GRAP2: variants seen among roughly 807,000 people sequenced by gnomAD.
GRAP2 encodes the protein GRB2-related adapter protein 2.
Under a neutral mutation model 43.5 loss-of-function variants are expected in GRAP2, and 31 were observed. The ratio of observed to expected loss-of-function variants is 0.71; its 90% CI spans 0.54 to 0.96. The LOEUF (loss-of-function observed/expected upper bound fraction) is 0.96. Among genes scored for constraint, GRAP2 ranks in the 40% least tolerant of loss-of-function variants. The pLI is 0.00. For synonymous variants in GRAP2, 156 were observed against 164.8 expected (o/e 0.95, Z 0.41); for missense variants, 371 against 424.4 (o/e 0.87, Z 1.11).
At chr22:39,964,296 C>A in intron 4 of GRAP2, 2 of 669,196 alleles carry the variant, frequency 3.0e-6, no homozygotes, top group Non-Finnish European at 5.4e-6. Context: ...ACTTGTGAGT[C>A]CAGACTGGCA....
At chr22:39,924,594 C>T (rs377055367) in intron 1 of GRAP2, among the ~76,000 whole-genome samples, 32 of 151,960 alleles carry the variant, frequency 2.1e-4, no homozygotes, top group Non-Finnish European at 1.3e-4. Flanking sequence ...CCTAGCTACT[C>T]GGGAGGCTGA....
At chr22:39,927,594 A>T (rs1312550834) in intron 1 of GRAP2, among the ~76,000 whole-genome samples, 1 of 152,212 alleles carries the variant, frequency 6.6e-6, no homozygotes, top group African/African-American at 2.4e-5. Flanking sequence ...GCATCGGGAG[A>T]GGTAAACAAA....
intron 2 of GRAP2, chr22:39,948,062 C>A (rs1168052593): frequency 6.6e-6 from 1 of 152,034 alleles, no homozygotes; most frequent in Non-Finnish European, 1.5e-5. Flanking sequence ...GGACGCCCAG[C>A]AACACTGAGG....
chr22:39,950,865 C>T (rs1201045971), intron 2 of GRAP2, among the ~76,000 whole-genome samples: 2 of 152,238 alleles, frequency 1.3e-5, no homozygotes, highest in Non-Finnish European at 2.9e-5. Flanking sequence ...CCACCTTCCT[C>T]AATGGGTAAC....
chr22:39,949,172 C>T (rs2066956084), intron 2 of GRAP2, among the ~76,000 whole-genome samples: 1 of 152,140 alleles, frequency 6.6e-6, no homozygotes, highest in Non-Finnish European at 1.5e-5. Flanking sequence ...CCCCCATTTC[C>T]ACCCAAGCCA....
chr22:39,926,706 GT>G (rs1204377663), intron 1 of GRAP2: 12 of 983,136 alleles, frequency 1.2e-5, no homozygotes, highest in South Asian at 4.7e-5. Context: ...CGGGGGATTG[GT>G]TTTTTTTCCA....
Position 39,965,309 on chromosome 22 carries a change from G to T in GRAP2, c.291-681G>T, listed in dbSNP as rs930048796. Among the ~76,000 whole-genome samples, 3 of 152,120 alleles carry T rather than the reference G, an allele frequency of 2.0e-5. No homozygotes were observed. The East Asian group carries it at 5.8e-4, about 29-fold the overall frequency. ...AATCGCTTGAACCTGGGAGGCGGAG[G>T]TTGCAGTGAGCAGAGATCACACCAC... On this transcript the variant is annotated intron_variant, in intron 4 of 7. Transcript: ENST00000344138.
chr22:39,970,368 A>C (rs1372360952), intron 7 of GRAP2, among the ~76,000 whole-genome samples: 1 of 152,182 alleles, frequency 6.6e-6, no homozygotes, highest in Non-Finnish European at 1.5e-5. Context: ...GGCATGAGCC[A>C]CCGTGCCTGG....
chr22:39,966,336 G>T (rs951292637), intron 5 of GRAP2, among the ~76,000 whole-genome samples, 178 bp downstream of exon 5: 2 of 152,310 alleles, frequency 1.3e-5, no homozygotes, highest in Admixed American at 1.3e-4. Flanking sequence ...ACTTTGGAAA[G>T]TTCTCTGCGC....
chr22:39,949,397 G>A (rs1470485028), intron 2 of GRAP2, among the ~76,000 whole-genome samples: 1 of 152,166 alleles, frequency 6.6e-6, no homozygotes, highest in Non-Finnish European at 1.5e-5. Context: ...CCATTTCATA[G>A]ATGAGAAACT....
Position 39,955,918 on chromosome 22 carries a change from T to C in GRAP2, c.170+8T>C. 7.7e-7 allele frequency: 1 copy of C among 1,306,824 alleles called. No individual in the cohort carries two copies. Among genetic ancestry groups the C allele is most frequent in the South Asian group, 1.2e-5 (1 of 84,904 alleles). The allele number at this position is 1,306,824 out of a possible 1,614,324, so 81.0% of individuals were successfully genotyped here. ...AGACATCCAGTTTCCCAAGTAAGTA[T>C]CTGCAGCCTGCTGAGATGGGCCTAG... On this transcript the variant is annotated splice_region_variant and intron_variant, in intron 3 of 7. Transcript: ENST00000344138.
chr22:39,943,685 G>A (rs1262020546), intron 1 of GRAP2, among the ~76,000 whole-genome samples: 1 of 150,976 alleles, frequency 6.6e-6, no homozygotes, highest in African/African-American at 2.4e-5. Flanking sequence ...TAATCCGTCT[G>A]TGAGGTTCTC....
rs1304650926 is a variant in GRAP2, at chr22:39,910,847, G to A, written c.-15+9517G>A. Among the ~76,000 whole-genome samples the A allele has an allele frequency of 2.0e-5, 3 of 152,026 alleles. No individual in the cohort carries two copies. The East Asian group carries it at 5.8e-4, about 29-fold the overall frequency. On this transcript the variant is annotated intron_variant, in intron 1 of 7. Coordinates refer to ENST00000344138, the MANE Select transcript of GRAP2 (RefSeq NM_004810.4). ...CTTGTCCAAATCTTTCAGAGCTAGG[G>A]TATTAGCTTCCCCTCCCTGCAGGTG...
intron 4 of GRAP2, among the ~76,000 whole-genome samples, chr22:39,965,173 G>A (rs1014786655): frequency 4.6e-5 from 7 of 152,186 alleles, no homozygotes; most frequent in African/African-American, 1.4e-4. Context: ...GTGGATCACC[G>A]GAGGTCTGGA....
chr22:39,952,497 T>G (rs12158617), intron 2 of GRAP2, among the ~76,000 whole-genome samples: 2,434 of 152,244 alleles, frequency 0.016, 63 homozygotes, highest in African/African-American at 0.056. Context: ...GCTCTTGTGT[T>G]TTTACGTGGC....
upstream of GRAP2, among the ~76,000 whole-genome samples, chr22:39,900,491 CATTTAAAGGTAAGAACTAAGGAAGTTG>C (rs1239588919): frequency 2.0e-5 from 3 of 152,120 alleles, no homozygotes; most frequent in South Asian, 6.2e-4. Flanking sequence ...GTGAGTGGTA[CATTTAAAGGTAAGAACTAAGGAAGTTG>C]AAGGTAACAA....
At chr22:39,911,730 C>T (rs1056533710) in intron 1 of GRAP2, among the ~76,000 whole-genome samples, 1 of 152,104 alleles carries the variant, frequency 6.6e-6, no homozygotes, top group Non-Finnish European at 1.5e-5. Context: ...TATTAATTTT[C>T]CAGTAGCCCC....
chr22:39,912,959 G>A (rs1316657944), intron 1 of GRAP2, among the ~76,000 whole-genome samples: 3 of 152,046 alleles, frequency 2.0e-5, no homozygotes, highest in South Asian at 2.1e-4. Flanking sequence ...TTGGGTGTCC[G>A]AGGCGGGTGG....
At position 39,929,144 on chromosome 22, in the gene GRAP2, G is replaced by A. The variant is rs538721737; in HGVS notation, c.-14-17949G>A. Among the ~76,000 whole-genome samples the A allele has an allele frequency of 4.1e-4, 62 of 152,286 alleles. 2 individuals are homozygous for A. The South Asian group carries it at 0.012, about 31-fold the overall frequency. Reference sequence around the variant, plus strand: ...TGGAAGTCTTTTTAATGGTATTGTAGCAATATCAGTTTCCTAGCTTTGATA... The same window carrying A: ...TGGAAGTCTTTTTAATGGTATTGTAACAATATCAGTTTCCTAGCTTTGATA... On this transcript the variant is annotated intron_variant, in intron 1 of 7. Transcript: ENST00000344138.
Sources: allele counts gnomAD v4.1 joint callset (sites outside exome capture counted in the v4.1 genomes callset), GRCh38; gene constraint gnomAD v4.1.1; transcripts MANE v1.5; gene names NCBI Gene and HGNC (gene_info 2026-07-23, HGNC 2026-07-21).